Variants in NEDD4 observed in about 807,000 individuals in gnomAD.
The protein encoded by NEDD4 is E3 ubiquitin-protein ligase NEDD4.
In NEDD4, 99 loss-of-function variants were observed where a neutral mutation model predicts 144.9. The ratio of observed to expected loss-of-function variants is 0.68; its 90% CI spans 0.58 to 0.81. The LOEUF is 0.81. NEDD4 is among the 30% of genes least tolerant of loss of function. The pLI is 0.00. For missense variants in NEDD4, 985 were observed against 1,065.9 expected (o/e 0.92, Z 1.06); for synonymous variants, 318 against 350.6 (o/e 0.91, Z 1.04).
intron 2 of NEDD4, 85 bp downstream of exon 2, chr15:55,966,388 T>G: frequency 1.3e-6 from 1 of 791,872 alleles, no homozygotes; most frequent in Non-Finnish European, 2.0e-6. Context: ...CTAATACTAT[T>G]TGATTTCTAA....
intron 2 of NEDD4, among the ~76,000 whole-genome samples, chr15:55,961,631 C>T (rs2037428393): frequency 6.6e-6 from 1 of 152,002 alleles, no homozygotes; most frequent in Admixed American, 6.6e-5. Flanking sequence ...CCACCACACC[C>T]GGATAATTTT....
chr15:55,898,882 T>C (rs934489298), intron 5 of NEDD4, among the ~76,000 whole-genome samples: 1 of 152,122 alleles, frequency 6.6e-6, no homozygotes, highest in Non-Finnish European at 1.5e-5. Context: ...GCTAAAGTGA[T>C]CCTCCAATCT....
intron 5 of NEDD4, among the ~76,000 whole-genome samples, chr15:55,886,525 G>A (rs751095119): frequency 6.6e-6 from 1 of 152,170 alleles, no homozygotes; most frequent in African/African-American, 2.4e-5. Flanking sequence ...CCAGCACTTT[G>A]GGAGGCCGAG....
At chr15:55,857,969 T>G (rs538369952) in intron 11 of NEDD4, among the ~76,000 whole-genome samples, 1 of 152,098 alleles carries the variant, frequency 6.6e-6, no homozygotes, top group Non-Finnish European at 1.5e-5. Context: ...ACAATATATA[T>G]CCTGCTCATT....
intron 1 of NEDD4, among the ~76,000 whole-genome samples, chr15:55,972,247 G>A (rs2037623560): frequency 6.6e-6 from 1 of 152,166 alleles, no homozygotes; most frequent in Admixed American, 6.5e-5. Flanking sequence ...CACTGTAATT[G>A]TGGTGTGTAA....
At chr15:55,859,840 T>C (rs2034332601) in intron 11 of NEDD4, among the ~76,000 whole-genome samples, 1 of 152,190 alleles carries the variant, frequency 6.6e-6, no homozygotes, top group Non-Finnish European at 1.5e-5. Context: ...TGGCTGAATA[T>C]AGACAAAACA....
chr15:55,955,856 C>T (rs1269639104), intron 2 of NEDD4, among the ~76,000 whole-genome samples: 3 of 147,728 alleles, frequency 2.0e-5, no homozygotes, highest in African/African-American at 7.5e-5. Flanking sequence ...CGCTTTGTCA[C>T]CTAGGCTGGA....
At chr15:55,839,990 AAAAAAAAAAATATATATATATATAT>A (rs1339130607) in intron 21 of NEDD4, among the ~76,000 whole-genome samples, 20 of 55,724 alleles carry the variant, frequency 3.6e-4, no homozygotes, top group Non-Finnish European at 5.3e-4. Context: ...AAAAAAAAAA[AAAAAAAAAAATATATATATATATAT>A]ATATATATAT....
intron 4 of NEDD4, among the ~76,000 whole-genome samples, chr15:55,929,244 G>A (rs781104769): frequency 6.6e-6 from 1 of 152,092 alleles, no homozygotes; most frequent in African/African-American, 2.4e-5. Flanking sequence ...GAGCACGCAC[G>A]CACACACACC....
At chr15:55,918,166 C>G (rs1470852390) in intron 5 of NEDD4, among the ~76,000 whole-genome samples, 1 of 152,082 alleles carries the variant, frequency 6.6e-6, no homozygotes, top group African/African-American at 2.4e-5. Flanking sequence ...AATTACTCAC[C>G]AGTGCTGATA....
At chr15:55,955,056 C>T (rs946502487) in intron 2 of NEDD4, among the ~76,000 whole-genome samples, 10 of 148,818 alleles carry the variant, frequency 6.7e-5, no homozygotes, top group Non-Finnish European at 1.3e-4. Flanking sequence ...AGTCTTGCAA[C>T]GTTGCCCAGG....
At chr15:55,991,375 G>C (rs756808261) in intron 1 of NEDD4, among the ~76,000 whole-genome samples, 1 of 152,204 alleles carries the variant, frequency 6.6e-6, no homozygotes, top group Non-Finnish European at 1.5e-5. Flanking sequence ...GCAAATGATA[G>C]TGGAGAGGGC....
chr15:55,979,191 AATT>A (rs2037755776), intron 1 of NEDD4, among the ~76,000 whole-genome samples: 3 of 151,780 alleles, frequency 2.0e-5, no homozygotes, highest in African/African-American at 4.8e-5. Context: ...TTCAAAAAGT[AATT>A]ATTATTATAA....
At chr15:55,837,545 C>T (rs1376420746) in intron 24 of NEDD4, among the ~76,000 whole-genome samples, 1 of 151,918 alleles carries the variant, frequency 6.6e-6, no homozygotes, top group East Asian at 1.9e-4. Context: ...TGTTCTTTTG[C>T]TGTCCTAAAG....
chr15:55,961,113 A>T (rs2037418662), intron 2 of NEDD4, among the ~76,000 whole-genome samples: 1 of 152,226 alleles, frequency 6.6e-6, no homozygotes, highest in Non-Finnish European at 1.5e-5. Context: ...AAGAGCTATA[A>T]GAGCATCTGC....
chr15:55,932,823 GA>G (rs1298260824), intron 4 of NEDD4, among the ~76,000 whole-genome samples: 56 of 150,386 alleles, frequency 3.7e-4, no homozygotes, highest in African/African-American at 1.3e-3. Context: ...AAATTTACAA[GA>G]AAAAAAAATC....
chr15:55,972,261 CA>C (rs1480527031), intron 1 of NEDD4, among the ~76,000 whole-genome samples: 1 of 152,096 alleles, frequency 6.6e-6, no homozygotes, highest in African/African-American at 2.4e-5. Flanking sequence ...TGTGTAAACT[CA>C]TATCTTGAGC....
At chr15:55,866,187 T>A (rs558533270) in intron 8 of NEDD4, among the ~76,000 whole-genome samples, 1 of 152,260 alleles carries the variant, frequency 6.6e-6, no homozygotes, top group East Asian at 1.9e-4. Context: ...GTGCTGGGAT[T>A]ACCAGCGTGA....
chr15:55,932,063 A>G (rs878918817), intron 4 of NEDD4, among the ~76,000 whole-genome samples: 1 of 152,162 alleles, frequency 6.6e-6, no homozygotes. Context: ...CCCAAATCTC[A>G]TCTTGAATTG....
Sources: allele counts gnomAD v4.1 joint callset (sites outside exome capture counted in the v4.1 genomes callset), GRCh38; gene constraint gnomAD v4.1.1; transcripts MANE v1.5; gene names NCBI Gene and HGNC (gene_info 2026-07-23, HGNC 2026-07-21).